FAM124A: variants seen among roughly 807,000 people sequenced by gnomAD.
FAM124A encodes the protein family with sequence similarity 124 member A.
A neutral mutation model predicts 24.5 loss-of-function variants in FAM124A; 23 were observed. The ratio of observed to expected loss-of-function variants is 0.94; its 90% CI spans 0.68 to 1.33. FAM124A has a LOEUF of 1.33. Among genes scored for constraint, FAM124A ranks in the 40% most tolerant of loss-of-function variants. The pLI is 0.00. For synonymous variants in FAM124A, 287 were observed against 314.7 expected, an observed-to-expected ratio of 0.91 and a Z score of 0.93; for missense variants, 623 against 722.8, an observed-to-expected ratio of 0.86 and a Z score of 1.58.
Position 51,258,637 on chromosome 13 carries a change from C to CT in FAM124A, c.834+6438dup, listed in dbSNP as rs1006785190. ...CATCCAGGGCAGCACGTGGCATGGGCTTCAGAGTCTCAACTCTTGTACTCA... is the reference window on the plus strand; with the variant it reads ...CATCCAGGGCAGCACGTGGCATGGGCTTTCAGAGTCTCAACTCTTGTACTCA... On this transcript the variant is annotated intron_variant, in intron 3 of 3. Transcript: ENST00000322475. This position sits in a 1 kb window ranked among gnomAD's most constrained non-coding sequence, Gnocchi z 4.2. Among the ~76,000 whole-genome samples the CT allele has an allele frequency of 2.0e-5, 3 of 152,318 alleles. No individual in the cohort carries two copies. The highest frequency in any genetic ancestry group is 1.3e-4 in the Admixed American group (2 of 15,304).
chr13:51,257,125 A>G (rs1954683091), intron 3 of FAM124A, among the ~76,000 whole-genome samples: 1 of 152,208 alleles, frequency 6.6e-6, no homozygotes, highest in Non-Finnish European at 1.5e-5. Context: ...GCTACTGTGA[A>G]TAACACCGCT....
chr13:51,262,930 C>T lies in FAM124A; in HGVS notation c.834+10729C>T, dbSNP rs990147387. Among the ~76,000 whole-genome samples, 6 of 152,384 alleles carry T rather than the reference C, an allele frequency of 3.9e-5. No homozygotes were observed. In the East Asian group the frequency reaches 5.8e-4, roughly 15 times the overall value. ...AAAGTTAGTGCCACATGACCAGCAT[C>T]GACTGGCCTCAGACATCTGCAAGCA... is the stretch of plus-strand genomic sequence containing the variant. On this transcript the variant is annotated intron_variant, in intron 3 of 3. Transcript: ENST00000322475.
rs371982780 is a variant in FAM124A at position 51,264,009 on chromosome 13, A to G, written c.834+11808A>G. On this transcript the variant is annotated intron_variant, in intron 3 of 3. Transcript: ENST00000322475. ...GGTCCTTTTAGGAGAATCATTCAAA[A>G]TAACAGTAAATGGCCTTCCATTATG... Among the ~76,000 whole-genome samples, 133 of 152,338 alleles carry G rather than the reference A, an allele frequency of 8.7e-4. 4 individuals are homozygous for G. In the South Asian group the frequency reaches 0.027, roughly 31 times the overall value.
At chr13:51,239,593 A>G (rs1954470588) in intron 2 of FAM124A, among the ~76,000 whole-genome samples, 2 of 152,150 alleles carry the variant, frequency 1.3e-5, no homozygotes, top group Admixed American at 1.3e-4. Context: ...CTGTTTTACT[A>G]CTGTAAACAG....
intron 2 of FAM124A, among the ~76,000 whole-genome samples, chr13:51,249,929 A>T (rs1258910911): frequency 6.6e-6 from 1 of 152,204 alleles, no homozygotes; most frequent in Non-Finnish European, 1.5e-5. Context: ...ATGTACTCCC[A>T]TAGTGCTTGG....
At chr13:51,279,952 A>C (rs1312748833) in intron 3 of FAM124A, among the ~76,000 whole-genome samples, 1 of 152,076 alleles carries the variant, frequency 6.6e-6, no homozygotes, top group African/African-American at 2.4e-5. Context: ...ATCACACCCC[A>C]TGTGGATCTG....
chr13:51,274,874 A>C (rs912394680), intron 3 of FAM124A, among the ~76,000 whole-genome samples: 3 of 152,196 alleles, frequency 2.0e-5, no homozygotes, highest in Admixed American at 1.3e-4. Flanking sequence ...AAGATTTAAC[A>C]ATTAACCCAG....
Position 51,281,227 on chromosome 13 carries a change from G to A in FAM124A, c.1612G>A (p.Asp538Asn). ...PPPPGSAGPG[D>N]NDMEEFYI ...ACCCCCAGGGTCGGCTGGCCCCGGG[G>A]ATAACGACATGGAGGAATTCTACAT... The change falls in exon 4 of 4, where the codon GAT (aspartate) becomes AAT (asparagine). Residue 538 changes from aspartate to asparagine, a missense_variant. Transcript: ENST00000322475. 1 of 1,590,230 alleles carries A rather than the reference G, an allele frequency of 6.3e-7. No homozygotes were observed. The highest frequency in any genetic ancestry group is 8.5e-7 in the Non-Finnish European group (1 of 1,170,088).
Position 51,252,044 on chromosome 13 carries a change from C to T in FAM124A, c.677C>T (p.Pro226Leu). The change falls in exon 3 of 4, where the codon CCC (proline) becomes CTC (leucine). Residue 226 changes from proline to leucine, a missense_variant. Coordinates refer to ENST00000322475, the MANE Select transcript of FAM124A (RefSeq NM_001242312.2). Reference protein sequence around the residue: ...VDIQFSLKRLPCDQCPVPTDS... With the variant: ...VDIQFSLKRLLCDQCPVPTDS... ...ATCCAGTTCTCCCTGAAAAGACTGCCCTGTGACCAGTGCCCGGTGCCCACC... is the reference window on the plus strand; with the variant it reads ...ATCCAGTTCTCCCTGAAAAGACTGCTCTGTGACCAGTGCCCGGTGCCCACC... 1.2e-6 allele frequency: 2 copies of T among 1,614,174 alleles called. No individual in the cohort carries two copies. Among genetic ancestry groups the T allele is most frequent in the Non-Finnish European group, 8.5e-7 (1 of 1,180,042 alleles).
intron 1 of FAM124A, among the ~76,000 whole-genome samples, chr13:51,229,151 T>C (rs1954347520): frequency 6.6e-6 from 1 of 152,210 alleles, no homozygotes. Context: ...TGTGTTTCCG[T>C]TGTGACGGTG....
intron 2 of FAM124A, among the ~76,000 whole-genome samples, chr13:51,250,352 C>A (rs1319390581): frequency 6.6e-6 from 1 of 152,132 alleles, no homozygotes; most frequent in Non-Finnish European, 1.5e-5. Context: ...GTGAATCTAG[C>A]CCCCTAAATC....
chr13:51,263,132 G>T (rs538461740), intron 3 of FAM124A, among the ~76,000 whole-genome samples: 1 of 152,330 alleles, frequency 6.6e-6, no homozygotes, highest in Non-Finnish European at 1.5e-5. Flanking sequence ...AGGGAGACAC[G>T]CTGGCCCTAA....
At chr13:51,255,135 C>T (rs1256019626) in intron 3 of FAM124A, among the ~76,000 whole-genome samples, 2 of 151,942 alleles carry the variant, frequency 1.3e-5, no homozygotes, top group Non-Finnish European at 2.9e-5. Flanking sequence ...ATAAGTGGAT[C>T]TCACATTTAA....
intron 1 of FAM124A, among the ~76,000 whole-genome samples, chr13:51,223,409 G>C (rs1954282823): frequency 6.6e-6 from 1 of 152,122 alleles, no homozygotes; most frequent in African/African-American, 2.4e-5. Flanking sequence ...TCCAGGCCGC[G>C]GGTACTGACC....
At chr13:51,252,373 G>C in intron 3 of FAM124A, 172 bp downstream of exon 3, 2 of 845,854 alleles carry the variant, frequency 2.4e-6, no homozygotes, top group South Asian at 3.9e-5. Flanking sequence ...CAACAAAAGA[G>C]GGGGCAAGAA....
chr13:51,245,485 C>T lies in FAM124A; in HGVS notation c.101-5983C>T, dbSNP rs1593594080. Reference sequence around the variant, plus strand: ...TGCAAGCTTCCAGCTTGCTTATCTACATCTACAGCTCGAATTTTCAGACTG... The same window carrying T: ...TGCAAGCTTCCAGCTTGCTTATCTATATCTACAGCTCGAATTTTCAGACTG... On this transcript the variant is annotated intron_variant, in intron 2 of 3. Coordinates refer to ENST00000322475, the MANE Select transcript of FAM124A (RefSeq NM_001242312.2). 3.1e-5 allele frequency: 15 copies of T among 485,726 alleles called. No individual in the cohort carries two copies. In the East Asian group the frequency reaches 4.9e-4, roughly 16 times the overall value. 30.1% of individuals were successfully genotyped at this position (485,726 alleles called of 1,614,324 possible).
intron 3 of FAM124A, among the ~76,000 whole-genome samples, chr13:51,265,902 A>G (rs1373733964): frequency 6.6e-6 from 1 of 152,212 alleles, no homozygotes; most frequent in Non-Finnish European, 1.5e-5. Flanking sequence ...CATATGTGGG[A>G]TTTATATACA....
intron 2 of FAM124A, among the ~76,000 whole-genome samples, chr13:51,243,514 C>T (rs9535622): frequency 0.68 from 103,208 of 151,766 alleles, 35,864 homozygotes; most frequent in South Asian, 0.78. Context: ...TGCTTTCAGA[C>T]CTGGTTGTTG....
intron 2 of FAM124A, among the ~76,000 whole-genome samples, chr13:51,248,303 C>T (rs957563487): frequency 6.6e-6 from 1 of 152,162 alleles, no homozygotes; most frequent in Non-Finnish European, 1.5e-5. Flanking sequence ...TACTCCTCTC[C>T]AACTTTTCCT....
Sources: gnomAD v4.1 joint callset for allele counts (sites outside exome capture counted in the v4.1 genomes callset) on GRCh38, gnomAD v4.1.1 for gene constraint, Gnocchi (gnomAD v3.1) non-coding constraint, MANE v1.5 for transcripts, NCBI Gene and HGNC (gene_info 2026-07-23, HGNC 2026-07-21) for gene names.